The following RIC3 variants were observed in gnomAD, a reference collection of about 807,000 sequenced individuals.
The protein encoded by RIC3 is RIC3 acetylcholine receptor chaperone.
A neutral mutation model predicts 27.3 loss-of-function variants in RIC3; 28 were observed. That is an observed-to-expected ratio of 1.02 (90% confidence interval 0.76 to 1.41). The LOEUF is 1.41. RIC3 is among the 40% of genes most tolerant of loss of function. The pLI is 0.00. For synonymous variants in RIC3, 184 were observed against 160.4 expected, an observed-to-expected ratio of 1.15 and a Z score of -1.11; for missense variants, 501 against 444.7, an observed-to-expected ratio of 1.13 and a Z score of -1.14.
intron 4 of RIC3, among the ~76,000 whole-genome samples, chr11:8,133,231 G>C (rs757669227): frequency 2.0e-5 from 3 of 152,170 alleles, no homozygotes; most frequent in Non-Finnish European, 4.4e-5. Context: ...ACCCTCAACA[G>C]ATACCTGCCT....
chr11:8,099,987 G>A, the RIC3 span, among the ~76,000 whole-genome samples: 1 of 152,200 alleles, frequency 6.6e-6, no homozygotes, highest in Non-Finnish European at 1.5e-5. Context: ...AGCCACTGGA[G>A]AGTTCTGAGC....
the RIC3 span, among the ~76,000 whole-genome samples, chr11:8,093,726 CCT>C: frequency 3.3e-5 from 5 of 152,202 alleles, no homozygotes; most frequent in South Asian, 2.1e-4. Context: ...TCTCCCTGCC[CCT>C]GTTCAGGCTC....
intron 1 of RIC3, among the ~76,000 whole-genome samples, chr11:8,140,871 A>G (rs1948977528): frequency 6.6e-6 from 1 of 151,930 alleles, no homozygotes; most frequent in Non-Finnish European, 1.5e-5. Flanking sequence ...AGTGGGGGCC[A>G]ATATTCAACA....
At chr11:8,129,064 A>G (rs921768398) in intron 4 of RIC3, among the ~76,000 whole-genome samples, 1 of 151,192 alleles carries the variant, frequency 6.6e-6, no homozygotes, top group Non-Finnish European at 1.5e-5. Context: ...AAAAACTTTT[A>G]CTCCTAAGTG....
At chr11:8,105,513 C>G (rs997584678), downstream of RIC3, 5 of 152,082 alleles carry the variant, frequency 3.3e-5, no homozygotes, top group African/African-American at 1.2e-4. Context: ...ATTTTCCAAC[C>G]AAGTGGAAAG....
chr11:8,093,740 G>T, the RIC3 span, among the ~76,000 whole-genome samples: 1 of 152,204 alleles, frequency 6.6e-6, no homozygotes, highest in Admixed American at 6.5e-5. Flanking sequence ...TTCAGGCTCA[G>T]TATGGTTTGG....
the RIC3 span, chr11:8,094,192 C>T: frequency 6.2e-7 from 1 of 1,610,134 alleles, no homozygotes; most frequent in Non-Finnish European, 8.5e-7. Flanking sequence ...GCACAAAGGT[C>T]AGCTCACATT....
chr11:8,124,918 G>A (rs559663299), intron 5 of RIC3, among the ~76,000 whole-genome samples: 1 of 152,214 alleles, frequency 6.6e-6, no homozygotes, highest in South Asian at 2.1e-4. Context: ...GAAAACATGG[G>A]AATTGGGAAA....
the RIC3 span, chr11:8,097,137 G>A: frequency 2.1e-5 from 30 of 1,438,464 alleles, no homozygotes; most frequent in Middle Eastern, 4.9e-4. Flanking sequence ...CTCTCCCACC[G>A]CCACGTTAGG....
At chr11:8,163,748 T>C (rs1345059153) in intron 1 of RIC3, among the ~76,000 whole-genome samples, 4 of 151,190 alleles carry the variant, frequency 2.6e-5, no homozygotes. Flanking sequence ...AAAGATTTAA[T>C]ATTGGTAAGA....
At position 8,134,681 on chromosome 11, in the gene RIC3, C is replaced by T. The variant is rs112433246; in HGVS notation, c.521+2697G>A. On this transcript the variant is annotated intron_variant, in intron 4 of 5. Transcript: ENST00000309737. ...TGTTATTTCCTGACTTTTTAATGATCGCCATTCTAACTGGTGTGAGGTGGT... is the reference window on the plus strand; with the variant it reads ...TGTTATTTCCTGACTTTTTAATGATTGCCATTCTAACTGGTGTGAGGTGGT... Among the ~76,000 whole-genome samples the T allele has an allele frequency of 4.9e-3, 744 of 152,168 alleles. 2 individuals are homozygous for T. The highest frequency in any genetic ancestry group is 0.014 in the African/African-American group (569 of 41,486).
chr11:8,122,575 T>C (rs1343026006), intron 5 of RIC3, among the ~76,000 whole-genome samples: 2 of 152,178 alleles, frequency 1.3e-5, no homozygotes, highest in Admixed American at 1.3e-4. Context: ...CAAAAGTTCA[T>C]AGCTACTTGA....
At chr11:8,154,596 C>T (rs539401506) in intron 1 of RIC3, among the ~76,000 whole-genome samples, 1 of 152,214 alleles carries the variant, frequency 6.6e-6, no homozygotes, top group South Asian at 2.1e-4. Flanking sequence ...ATGTATAGCT[C>T]TAGTTGATTC....
chr11:8,163,022 C>T (rs1217919879), intron 1 of RIC3, among the ~76,000 whole-genome samples: 2 of 139,102 alleles, frequency 1.4e-5, no homozygotes, highest in East Asian at 4.3e-4. Context: ...TATTTAAACA[C>T]ACACACACAC....
intron 5 of RIC3, among the ~76,000 whole-genome samples, chr11:8,126,177 G>A (rs1946970704): frequency 6.6e-6 from 1 of 152,184 alleles, no homozygotes; most frequent in Non-Finnish European, 1.5e-5. Flanking sequence ...TCATAAGAGT[G>A]CAAAGCTAGG....
chr11:8,147,823 G>C (rs1004598147), intron 1 of RIC3, among the ~76,000 whole-genome samples: 4 of 151,048 alleles, frequency 2.6e-5, no homozygotes, highest in Non-Finnish European at 5.9e-5. Context: ...CGACTCCCTG[G>C]TTCAAGTGAT....
chr11:8,126,318 G>T (rs1026692591), intron 5 of RIC3, among the ~76,000 whole-genome samples: 1 of 152,036 alleles, frequency 6.6e-6, no homozygotes. Flanking sequence ...AAAGTATTAC[G>T]CTAAATCAAA....
chr11:8,101,341 T>C (rs1237246832), downstream of RIC3: 11 of 1,124,114 alleles, frequency 9.8e-6, no homozygotes, highest in African/African-American at 1.5e-5. Context: ...AATTGGCCTT[T>C]GTTTTACTTC....
chr11:8,093,810 T>C, the RIC3 span, among the ~76,000 whole-genome samples: 345 of 152,338 alleles, frequency 2.3e-3, 2 homozygotes, highest in African/African-American at 8.0e-3. Flanking sequence ...GTCTGGCTGT[T>C]GACTTGATTA....
Sources: allele counts gnomAD v4.1 joint callset (sites outside exome capture counted in the v4.1 genomes callset), GRCh38; gene constraint gnomAD v4.1.1; transcripts MANE v1.5; gene names NCBI Gene and HGNC (gene_info 2026-07-23, HGNC 2026-07-21).